SLC27A6: variants seen among roughly 807,000 people sequenced by gnomAD.
The protein encoded by SLC27A6 is solute carrier family 27 member 6.
In SLC27A6, 74 loss-of-function variants were observed where a neutral mutation model predicts 63.9. That is an observed-to-expected ratio of 1.16 (90% CI 0.96 to 1.40). The LOEUF is 1.40. Among genes scored for constraint, SLC27A6 ranks in the 40% most tolerant of loss-of-function variants. SLC27A6 has a pLI of 0.00. For synonymous variants in SLC27A6, 287 were observed against 260.8 expected, an observed-to-expected ratio of 1.10 and a Z score of -0.97; for missense variants, 794 against 732.9, an observed-to-expected ratio of 1.08 and a Z score of -0.96.
At chr5:128,978,200 A>G (rs1401936085) in intron 1 of SLC27A6, among the ~76,000 whole-genome samples, 3 of 152,158 alleles carry the variant, frequency 2.0e-5, no homozygotes, top group Non-Finnish European at 4.4e-5. Context: ...TGGTGTCTTA[A>G]TATTGGTAAC....
At chr5:128,969,294 T>C (rs1750042409) in intron 1 of SLC27A6, among the ~76,000 whole-genome samples, 1 of 152,146 alleles carries the variant, frequency 6.6e-6, no homozygotes, top group South Asian at 2.1e-4. Flanking sequence ...TTTCCAATTC[T>C]GTGAAGAAAG....
intron 3 of SLC27A6, among the ~76,000 whole-genome samples, chr5:128,990,103 C>T (rs1019497956): frequency 6.6e-6 from 1 of 152,034 alleles, no homozygotes; most frequent in Admixed American, 6.6e-5. Flanking sequence ...TGCTTTTCTC[C>T]TGTGTATTGC....
At chr5:129,008,701 A>G (rs1396935279) in intron 4 of SLC27A6, among the ~76,000 whole-genome samples, 1 of 152,160 alleles carries the variant, frequency 6.6e-6, no homozygotes, top group Admixed American at 6.5e-5. Flanking sequence ...GGTTATATTT[A>G]CTGTGAGAAA....
chr5:129,018,652 GC>G (rs1406768506), intron 5 of SLC27A6, among the ~76,000 whole-genome samples: 1 of 151,914 alleles, frequency 6.6e-6, no homozygotes, highest in Non-Finnish European at 1.5e-5. Context: ...TTGATATTGA[GC>G]CCCTTTGTGA....
intron 4 of SLC27A6, among the ~76,000 whole-genome samples, chr5:129,003,294 G>A (rs1751406245): frequency 7.0e-6 from 1 of 143,864 alleles, no homozygotes; most frequent in Non-Finnish European, 1.5e-5. Flanking sequence ...TTATTCCCGT[G>A]AACTGTTTGC....
chr5:129,008,602 G>T (rs1751623819), intron 4 of SLC27A6, among the ~76,000 whole-genome samples: 3 of 152,202 alleles, frequency 2.0e-5, no homozygotes, highest in African/African-American at 7.2e-5. Context: ...CAGGAAAATG[G>T]CAGTGGAAAA....
At chr5:129,017,031 T>G (rs1751920364) in intron 5 of SLC27A6, among the ~76,000 whole-genome samples, 1 of 152,184 alleles carries the variant, frequency 6.6e-6, no homozygotes, top group Non-Finnish European at 1.5e-5. Context: ...TCTCAACCTT[T>G]GTAAAGCAAA....
At position 129,013,947 on chromosome 5, in the gene SLC27A6, G is replaced by A. The variant is rs147679075; in HGVS notation, c.970-1938G>A. ...ACATGGCTGGGATTTGTCAACAAAA[G>A]GCTCAGATTCTAGGGTGACTAAGTG... On this transcript the variant is annotated intron_variant, in intron 4 of 9. Transcript: ENST00000262462. 3.3e-5 allele frequency among the ~76,000 whole-genome samples: 5 copies of A among 152,280 alleles called. No homozygotes were observed. The East Asian group carries it at 7.7e-4, about 23-fold the overall frequency.
In SLC27A6 at chr5:128,978,248, T is replaced by G. The variant is rs116272334; in HGVS notation, c.482-6885T>G. On this transcript the variant is annotated intron_variant, in intron 1 of 9. Transcript: ENST00000262462. ...ATTTTGTATAGCCTGAATGTGTATT[T>G]TTTCAGTTACATCAAAGTGGAATTG... Among the ~76,000 whole-genome samples the G allele has an allele frequency of 4.5e-3, 687 of 152,318 alleles. 1 individual carries two copies. Among genetic ancestry groups the G allele is most frequent in the Non-Finnish European group, 7.4e-3 (501 of 68,008 alleles).
intron 1 of SLC27A6, among the ~76,000 whole-genome samples, chr5:128,971,063 C>G (rs945288873): frequency 6.6e-6 from 1 of 152,092 alleles, no homozygotes; most frequent in Non-Finnish European, 1.5e-5. Flanking sequence ...TGTAGTTGTG[C>G]GGTTTTGAGT....
Position 129,015,972 on chromosome 5 carries a change from G to A in SLC27A6, c.1057G>A (p.Gly353Arg). 3.1e-6 allele frequency: 5 copies of A among 1,609,424 alleles called. No individual in the cohort carries two copies. Among genetic ancestry groups the A allele is most frequent in the Non-Finnish European group, 3.4e-6 (4 of 1,178,110 alleles). Residue 353 changes from glycine to arginine, a missense_variant, in exon 5 of 10, where the codon GGA (glycine) becomes AGA (arginine). Physicochemically the swap from Gly to Arg is moderately radical, Grantham distance 125. Coordinates refer to ENST00000262462, the MANE Select transcript of SLC27A6 (RefSeq NM_001017372.3). ...DVWREFLDRF[G>R]NIKVCELYAA... ...ATGGAGAGAATTTTTAGACAGATTT[G>A]GAAATATAAAGGTGTGTGAACTTTA...
chr5:128,978,501 G>GC (rs1750468452), intron 1 of SLC27A6, among the ~76,000 whole-genome samples: 1 of 152,148 alleles, frequency 6.6e-6, no homozygotes, highest in Non-Finnish European at 1.5e-5. Context: ...AGTAACATTT[G>GC]CCTGGTGGTT....
chr5:128,996,937 T>G (rs1751180735), intron 4 of SLC27A6, among the ~76,000 whole-genome samples: 1 of 152,180 alleles, frequency 6.6e-6, no homozygotes, highest in Non-Finnish European at 1.5e-5. Context: ...TTGGCTTTAC[T>G]TTGTACCTGG....
At chr5:129,028,779 T>C (rs1165726896) in intron 8 of SLC27A6, among the ~76,000 whole-genome samples, 1 of 151,970 alleles carries the variant, frequency 6.6e-6, no homozygotes, top group Non-Finnish European at 1.5e-5. Context: ...TACATACCAC[T>C]AAACAAGAAC....
chr5:129,013,174 TATCTTCAA>T (rs1238795941), intron 4 of SLC27A6, among the ~76,000 whole-genome samples: 3 of 152,088 alleles, frequency 2.0e-5, no homozygotes, highest in African/African-American at 7.2e-5. Flanking sequence ...TACCACATTC[TATCTTCAA>T]ATAGCATATT....
intron 4 of SLC27A6, among the ~76,000 whole-genome samples, chr5:128,991,896 T>C (rs1750994636): frequency 1.3e-5 from 2 of 152,112 alleles, no homozygotes; most frequent in Admixed American, 1.3e-4. Flanking sequence ...AGAAGTTATT[T>C]TCTTTTTCCT....
At chr5:129,033,078 T>A in intron 9 of SLC27A6, 28 bp from the exon 10 acceptor site, 4 of 1,529,538 alleles carry the variant, frequency 2.6e-6, no homozygotes, top group Non-Finnish European at 3.6e-6. Flanking sequence ...ATTAAATGAT[T>A]CTACTCATCC....
chr5:128,983,859 T>G (rs1387725100), intron 1 of SLC27A6, among the ~76,000 whole-genome samples: 2 of 152,152 alleles, frequency 1.3e-5, no homozygotes, highest in African/African-American at 4.8e-5. Flanking sequence ...AGAGCCATGC[T>G]CCCTCAGAAG....
intron 1 of SLC27A6, among the ~76,000 whole-genome samples, chr5:128,977,385 CAT>C (rs1750425879): frequency 1.3e-5 from 2 of 151,822 alleles, no homozygotes; most frequent in Admixed American, 6.6e-5. Flanking sequence ...TGTAAAGACA[CAT>C]AGAGCACCTG....
Sources: gnomAD v4.1 joint callset for allele counts (sites outside exome capture counted in the v4.1 genomes callset) on GRCh38, gnomAD v4.1.1 for gene constraint, MANE v1.5 for transcripts, NCBI Gene and HGNC (gene_info 2026-07-23, HGNC 2026-07-21) for gene names.